Variants in CLRN1 observed in about 807,000 individuals in gnomAD.
CLRN1 encodes clarin-1.
CLRN1 carries 15 observed loss-of-function variants against 18.7 expected under a neutral mutation model. That is an observed-to-expected ratio of 0.80 (90% CI 0.54 to 1.23). The LOEUF is 1.23. Among genes scored for constraint, CLRN1 ranks in the 50% most tolerant of loss-of-function variants. The probability of loss-of-function intolerance (pLI) is 0.00; values close to 1 mark genes in which losing one functional copy is unlikely to be tolerated. For synonymous variants in CLRN1, 104 were observed against 102.9 expected, an observed-to-expected ratio of 1.01 and a Z score of -0.07; for missense variants, 311 against 277.5, an observed-to-expected ratio of 1.12 and a Z score of -0.86.
rs879260829 is a variant in CLRN1 at position 150,946,502 on chromosome 3, A to AT, written c.254-4742dup. Among the ~76,000 whole-genome samples the AT allele has an allele frequency of 4.5e-3, 665 of 146,578 alleles. 7 individuals are homozygous for AT. Among genetic ancestry groups the AT allele is most frequent in the African/African-American group, 0.014 (580 of 40,254 alleles). ...CTCACTATGTACCTTTTTGTACTAA[A>AT]TTTTTTTTTTTTTACTTTTCTGCAA... On this transcript the variant is annotated intron_variant, in intron 1 of 2. Transcript: ENST00000327047.
chr3:150,926,536 A>C (rs1024943527), downstream of CLRN1: 1 of 511,174 alleles, frequency 2.0e-6, no homozygotes, highest in African/African-American at 1.9e-5. Context: ...GAAATTGTCC[A>C]GGTGTATTTC....
chr3:150,939,834 A>G (rs1713708325), intron 2 of CLRN1, among the ~76,000 whole-genome samples: 1 of 152,128 alleles, frequency 6.6e-6, no homozygotes, highest in Admixed American at 6.5e-5. Flanking sequence ...CTGGACTTTC[A>G]CATGTGATTG....
intron 2 of CLRN1, among the ~76,000 whole-genome samples, chr3:150,932,760 T>C (rs1362552985): frequency 6.6e-6 from 1 of 152,198 alleles, no homozygotes; most frequent in Non-Finnish European, 1.5e-5. Context: ...TAGAAGTTGT[T>C]CTGACTCTAC....
rs761501768 is a variant in CLRN1, at chr3:150,926,761, C to T, written c.*1175G>A. 4 of 1,610,314 alleles carry T rather than the reference C, an allele frequency of 2.5e-6. No individual in the cohort carries two copies. In the South Asian group the frequency reaches 4.4e-5, roughly 18 times the overall value. The stretch of plus-strand genomic sequence containing the variant: ...GTACTCAGCACCTGTGGTCAGAGGC[C>T]TAGTGATCTGTTTGCTGTCATTCTC... On this transcript the variant is annotated 3_prime_UTR_variant, in exon 3 of 3. Transcript: ENST00000327047.
chr3:150,970,914 C>T (rs554209092), intron 1 of CLRN1, among the ~76,000 whole-genome samples: 1 of 152,202 alleles, frequency 6.6e-6, no homozygotes, highest in Non-Finnish European at 1.5e-5. Context: ...TGAGACAAAG[C>T]ATATAAAGTG....
Position 150,927,815 on chromosome 3 carries a change from T to C in CLRN1, c.*121A>G, listed in dbSNP as rs2107927237. 2 of 1,218,846 alleles carry C rather than the reference T, an allele frequency of 1.6e-6. No individual in the cohort carries two copies. Among genetic ancestry groups the C allele is most frequent in the Middle Eastern group, 2.7e-4 (1 of 3,728 alleles). The allele number at this position is 1,218,846 out of a possible 1,614,324, so 75.5% of individuals were successfully genotyped here. A position where few individuals can be genotyped will look rare whatever the true frequency, so the allele number is the denominator to read the frequency against. ...ATCCTTAGTACGTAATTTGTAAACA[T>C]TGTCACGAAGGGTCCTGATGCTTTA... On this transcript the variant is annotated 3_prime_UTR_variant, in exon 3 of 3. Coordinates refer to ENST00000327047, the MANE Select transcript of CLRN1 (RefSeq NM_174878.3).
intron 1 of CLRN1, among the ~76,000 whole-genome samples, chr3:150,944,437 A>G (rs1255771933): frequency 1.3e-5 from 2 of 152,098 alleles, no homozygotes; most frequent in East Asian, 3.9e-4. Context: ...GGTGGGGAAG[A>G]ACAAATGTCC....
chr3:150,946,277 A>C (rs761404662), intron 1 of CLRN1, among the ~76,000 whole-genome samples: 1 of 152,218 alleles, frequency 6.6e-6, no homozygotes, highest in African/African-American at 2.4e-5. Flanking sequence ...GGTAGGTACC[A>C]TTATTAAAAA....
At chr3:150,958,531 C>T (rs1714865212) in intron 1 of CLRN1, among the ~76,000 whole-genome samples, 2 of 152,206 alleles carry the variant, frequency 1.3e-5, no homozygotes, top group African/African-American at 4.8e-5. Flanking sequence ...CCAGTCTTAC[C>T]TTTTCCCTCC....
intron 1 of CLRN1, among the ~76,000 whole-genome samples, chr3:150,970,847 A>G (rs1401949207): frequency 6.6e-6 from 1 of 152,218 alleles, no homozygotes; most frequent in Non-Finnish European, 1.5e-5. Context: ...AGCATAGGAC[A>G]CAACCACAAA....
intron 1 of CLRN1, among the ~76,000 whole-genome samples, chr3:150,952,830 G>A (rs1714560777): frequency 2.0e-5 from 3 of 152,204 alleles, no homozygotes; most frequent in Admixed American, 1.3e-4. Context: ...AAATTGTCAT[G>A]TGGAGCAGTT....
rs181000727 is a variant in CLRN1, at chr3:150,943,600, A to G, written c.254-1839T>C. The stretch of plus-strand genomic sequence containing the variant: ...TCCTTCAGTTCATCTGTGTGACCCC[A>G]TTCTTCTTGGGCACCAAACAAGAAT... On this transcript the variant is annotated intron_variant, in intron 1 of 2. Coordinates refer to ENST00000327047, the MANE Select transcript of CLRN1 (RefSeq NM_174878.3). 1.1e-3 allele frequency among the ~76,000 whole-genome samples: 174 copies of G among 152,312 alleles called. 1 individual carries two copies. Among genetic ancestry groups the G allele is most frequent in the Admixed American group, 1.9e-3 (29 of 15,306 alleles).
chr3:150,954,209 C>T (rs779119193), intron 1 of CLRN1, among the ~76,000 whole-genome samples: 22 of 152,168 alleles, frequency 1.4e-4, no homozygotes, highest in Non-Finnish European at 2.6e-4. Flanking sequence ...TAAGAAGCTG[C>T]GGAGTGTTTT....
intron 1 of CLRN1, among the ~76,000 whole-genome samples, chr3:150,963,210 G>A (rs1262714345): frequency 6.6e-6 from 1 of 152,142 alleles, no homozygotes; most frequent in Non-Finnish European, 1.5e-5. Flanking sequence ...AGCAACTTCG[G>A]CAAAGTCTCA....
intron 1 of CLRN1, among the ~76,000 whole-genome samples, chr3:150,949,250 C>T (rs1309520974): frequency 3.9e-5 from 6 of 152,138 alleles, no homozygotes; most frequent in Non-Finnish European, 8.8e-5. Context: ...CCACAAACAT[C>T]GTACTGAATG....
intron 2 of CLRN1, among the ~76,000 whole-genome samples, chr3:150,934,147 A>G (rs948310474): frequency 2.0e-5 from 3 of 152,186 alleles, no homozygotes; most frequent in African/African-American, 4.8e-5. Context: ...TGCCCCAGAC[A>G]TATTTCAGAG....
rs556590148 is a variant in CLRN1 at position 150,938,942 on chromosome 3, C to T, written c.433+2640G>A. Among the ~76,000 whole-genome samples, 6 of 152,296 alleles carry T rather than the reference C, an allele frequency of 3.9e-5. No homozygotes were observed. The East Asian group carries it at 1.2e-3, about 29-fold the overall frequency. On this transcript the variant is annotated intron_variant, in intron 2 of 2. Coordinates refer to ENST00000327047, the MANE Select transcript of CLRN1 (RefSeq NM_174878.3). Reference sequence around the variant, plus strand: ...ATTCTGTATTCTCTGAGTCATCTTGCTTTTCAAATGCTGTTAGTTTGGTCG... The same window carrying T: ...ATTCTGTATTCTCTGAGTCATCTTGTTTTTCAAATGCTGTTAGTTTGGTCG...
rs1335912712 is a variant in CLRN1, at chr3:150,926,629, A to G, written c.*1307T>C. The G allele has an allele frequency of 1.3e-6, 1 of 756,252 alleles. No homozygotes were observed. The highest frequency in any genetic ancestry group is 2.3e-6 in the Non-Finnish European group (1 of 434,710). The allele number at this position is 756,252 out of a possible 1,614,324, so 46.8% of individuals were successfully genotyped here. On this transcript the variant is annotated 3_prime_UTR_variant, in exon 3 of 3. Coordinates refer to ENST00000327047, the MANE Select transcript of CLRN1 (RefSeq NM_174878.3). ...CGAATAGCGAATTGACACCAGAGCA[A>G]GTTATTTCTCAGGTATACGGTTGTT...
chr3:150,971,516 G>T (rs1553775949), intron 1 of CLRN1, among the ~76,000 whole-genome samples: 2 of 148,254 alleles, frequency 1.3e-5, no homozygotes, highest in Middle Eastern at 3.2e-3. Context: ...ATACTAGAAA[G>T]AAAAAAAAAA....
Sources: allele counts gnomAD v4.1 joint callset (sites outside exome capture counted in the v4.1 genomes callset), GRCh38; gene constraint gnomAD v4.1.1; transcripts MANE v1.5; gene names NCBI Gene and HGNC (gene_info 2026-07-23, HGNC 2026-07-21).